The following RANGAP1 variants were observed in gnomAD, a reference collection of about 807,000 sequenced individuals.
The protein encoded by RANGAP1 is ran GTPase-activating protein 1.
In RANGAP1, 38 loss-of-function variants were observed where a neutral mutation model predicts 63.5. The observed-to-expected ratio is 0.60, with a 90% CI of 0.46 to 0.78. The LOEUF (loss-of-function observed/expected upper bound fraction) is 0.78, where lower values mean the gene tolerates loss of function less well. RANGAP1 is among the 30% of genes least tolerant of loss of function. The pLI is 0.00. For missense variants in RANGAP1, 630 were observed against 740.3 expected (o/e 0.85, Z 1.73); for synonymous variants, 329 against 310.5 (o/e 1.06, Z -0.63).
the RANGAP1 span, among the ~76,000 whole-genome samples, chr22:41,291,634 C>T: frequency 6.9e-6 from 1 of 145,216 alleles, no homozygotes; most frequent in Non-Finnish European, 1.5e-5. Context: ...CGCAGTGGCT[C>T]ACGCCTGTAA....
Position 41,246,361 on chromosome 22 carries a change from A to G in RANGAP1, c.*242T>C. The G allele has an allele frequency of 6.9e-6, 3 of 437,654 alleles. No homozygotes were observed. 27.1% of individuals were successfully genotyped at this position (437,654 alleles called of 1,614,324 possible). On this transcript the variant is annotated 3_prime_UTR_variant, in exon 16 of 16. Transcript: ENST00000356244. ...CCTTTCCCCTGGGGGCCAACTCCCCACAACAGAGCAGGGCTGGGCCAGCAG... is the reference window on the plus strand; with the variant it reads ...CCTTTCCCCTGGGGGCCAACTCCCCGCAACAGAGCAGGGCTGGGCCAGCAG...
At chr22:41,285,358 C>T (rs915223941) in intron 1 of RANGAP1, 1 of 373,944 alleles carries the variant, frequency 2.7e-6, no homozygotes. Context: ...CCCCTCCACA[C>T]TCACTTTATA....
At chr22:41,272,151 G>A (rs1238561101) in intron 3 of RANGAP1, among the ~76,000 whole-genome samples, 4 of 152,192 alleles carry the variant, frequency 2.6e-5, no homozygotes, top group African/African-American at 9.6e-5. Context: ...CCCATGTGCC[G>A]AAAGCAAGCT....
At chr22:41,265,791 G>A (rs572577226) in intron 4 of RANGAP1, among the ~76,000 whole-genome samples, 3 of 152,266 alleles carry the variant, frequency 2.0e-5, no homozygotes, top group African/African-American at 7.2e-5. Flanking sequence ...ATGTGGAAGG[G>A]AGACTTTCTG....
intron 15 of RANGAP1, among the ~76,000 whole-genome samples, chr22:41,248,141 C>T (rs2033177855): frequency 7.1e-6 from 1 of 141,046 alleles, no homozygotes; most frequent in Non-Finnish European, 1.5e-5. Context: ...ACTGCAGCAA[C>T]AGCACTGCTA....
At chr22:41,251,761 G>GA (rs1183498143) in intron 12 of RANGAP1, among the ~76,000 whole-genome samples, 3 of 152,106 alleles carry the variant, frequency 2.0e-5, no homozygotes, top group Non-Finnish European at 2.9e-5. Flanking sequence ...GGGAAAAGTG[G>GA]AAAAAACGTC....
intron 11 of RANGAP1, among the ~76,000 whole-genome samples, chr22:41,253,629 T>TG (rs1181736740): frequency 9.9e-5 from 15 of 151,984 alleles, no homozygotes; most frequent in African/African-American, 3.6e-4. Context: ...ATCCCAGGAA[T>TG]GGGGGAGTGG....
the RANGAP1 span, among the ~76,000 whole-genome samples, chr22:41,295,710 A>G: frequency 2.0e-5 from 3 of 150,908 alleles, no homozygotes; most frequent in Admixed American, 2.0e-4. Flanking sequence ...AAAAAAAAAA[A>G]AAGAAAGAAA....
At chr22:41,253,477 C>T (rs1601600295) in intron 11 of RANGAP1, among the ~76,000 whole-genome samples, 1 of 152,320 alleles carries the variant, frequency 6.6e-6, no homozygotes, top group Middle Eastern at 3.4e-3. Flanking sequence ...GAGTCCTTGT[C>T]CAGAGCCAAG....
At chr22:41,256,903 G>T in intron 7 of RANGAP1, 79 bp from the exon 8 acceptor site, 1 of 1,060,958 alleles carries the variant, frequency 9.4e-7, no homozygotes, top group Non-Finnish European at 1.4e-6. Context: ...GGCCCCACAC[G>T]GTCACATCCC....
In RANGAP1 at chr22:41,254,383, T is replaced by C. The variant is rs771108482; in HGVS notation, c.1185A>G (p.Glu395=). Reference sequence around the variant, plus strand: ...CCTGCCCTCGCTGCTGAGGCTCTTCTTCCTCCTCCTCCTCCTCTTCTTCCT... The same window carrying C: ...CCTGCCCTCGCTGCTGAGGCTCTTCCTCCTCCTCCTCCTCCTCTTCTTCCT... ...EEEEEEEEEE[E]EEPQQRGQGE... is the part of the protein sequence containing the mutation. The change falls in exon 11 of 16, where the codon GAA becomes GAG. Residue 395 remains glutamate (E), a synonymous_variant. Transcript: ENST00000356244. 10 of 1,613,614 alleles carry C rather than the reference T, an allele frequency of 6.2e-6. No individual in the cohort carries two copies. In the South Asian group the frequency reaches 8.8e-5, roughly 14 times the overall value.
chr22:41,261,184 C>T (rs929739922), intron 6 of RANGAP1, among the ~76,000 whole-genome samples: 1 of 152,252 alleles, frequency 6.6e-6, no homozygotes, highest in African/African-American at 2.4e-5. Flanking sequence ...TCAGAGTGGC[C>T]TGCCTGGCCT....
intron 3 of RANGAP1, among the ~76,000 whole-genome samples, chr22:41,273,544 AAT>A (rs1323936150): frequency 6.7e-6 from 1 of 148,848 alleles, no homozygotes; most frequent in Non-Finnish European, 1.5e-5. Flanking sequence ...AAGGCAGACA[AAT>A]CACAAGGTCA....
chr22:41,301,047 A>G, the RANGAP1 span, among the ~76,000 whole-genome samples: 1 of 152,110 alleles, frequency 6.6e-6, no homozygotes, highest in Non-Finnish European at 1.5e-5. Context: ...TCATGATGCC[A>G]ATAAAGTCGG....
At chr22:41,274,433 C>T (rs2035019315) in intron 3 of RANGAP1, among the ~76,000 whole-genome samples, 167 bp downstream of exon 3, 1 of 152,360 alleles carries the variant, frequency 6.6e-6, no homozygotes, top group Admixed American at 6.5e-5. Flanking sequence ...GGGAGAGGGT[C>T]CCTAGCCAAT....
intron 3 of RANGAP1, among the ~76,000 whole-genome samples, chr22:41,272,834 A>G (rs779385529): frequency 6.7e-6 from 1 of 149,402 alleles, no homozygotes; most frequent in Non-Finnish European, 1.5e-5. Flanking sequence ...TTTTTTTGAG[A>G]CAGGGTCTTG....
intron 4 of RANGAP1, 108 bp from the exon 5 acceptor site, chr22:41,264,951 G>T: frequency 9.0e-7 from 1 of 1,115,698 alleles, no homozygotes; most frequent in South Asian, 1.5e-5. Context: ...CCCGGCTGGT[G>T]CAGAACCAAC....
rs968629110 is a variant in RANGAP1, at chr22:41,254,332, C to G, written c.1236G>C (p.Arg412=). 2 of 1,614,018 alleles carry G rather than the reference C, an allele frequency of 1.2e-6. No homozygotes were observed. The highest frequency in any genetic ancestry group is 2.7e-5 in the African/African-American group (2 of 74,914). The part of the protein sequence containing the change: ...GQGEKSATPS[R]KILDPNTGEP... ...CCCCAGTGTTAGGGTCCAGAATCTTCCGTGAGGGCGTGGCTGACTTCTCTC... is the reference window on the plus strand; with the variant it reads ...CCCCAGTGTTAGGGTCCAGAATCTTGCGTGAGGGCGTGGCTGACTTCTCTC... The change falls in exon 11 of 16, where the codon CGG becomes CGC. Residue 412 remains arginine (R), a synonymous_variant. Coordinates refer to ENST00000356244, the MANE Select transcript of RANGAP1 (RefSeq NM_002883.4).
upstream of RANGAP1, among the ~76,000 whole-genome samples, chr22:41,288,092 C>A (rs1414334549): frequency 3.3e-5 from 5 of 152,184 alleles, no homozygotes; most frequent in African/African-American, 7.2e-5. Flanking sequence ...ATCATTACCA[C>A]CCTTCCCAGC....
Sources: allele counts gnomAD v4.1 joint callset (sites outside exome capture counted in the v4.1 genomes callset), GRCh38; gene constraint gnomAD v4.1.1; transcripts MANE v1.5; gene names NCBI Gene and HGNC (gene_info 2026-07-23, HGNC 2026-07-21).